Variants in KRT83 observed in about 807,000 individuals in gnomAD.
KRT83 encodes keratin, type II cuticular Hb3.
KRT83 carries 51 observed loss-of-function variants against 52.9 expected under a neutral mutation model. That is an observed-to-expected ratio of 0.96 (90% CI 0.77 to 1.22). The LOEUF (loss-of-function observed/expected upper bound fraction) is 1.22. KRT83 is among the 50% of genes most tolerant of loss of function. The pLI is 0.00. For synonymous variants in KRT83, 278 were observed against 274.1 expected (o/e 1.01, Z -0.14); for missense variants, 654 against 666.5 (o/e 0.98, Z 0.21).
At position 52,314,367 on chromosome 12, in the gene KRT83, A is replaced by G. The variant is rs1447815053; in HGVS notation, c.*264T>C. On this transcript the variant is annotated 3_prime_UTR_variant, in exon 9 of 9. Transcript: ENST00000293670. ...AGAGAGGCAGGGGGAACAGTCTCAC[A>G]GTGCTTCTTCCAGGGAAGCAAGGCC... 1.8e-6 allele frequency: 1 copy of G among 560,806 alleles called. No individual in the cohort carries two copies. The highest frequency in any genetic ancestry group is 3.2e-6 in the Non-Finnish European group (1 of 310,146). The allele number at this position is 560,806 out of a possible 1,614,324, so 34.7% of individuals were successfully genotyped here. A position where few individuals can be genotyped will look rare whatever the true frequency, so the allele number is the denominator to read the frequency against.
intron 1 of KRT83, 69 bp downstream of exon 1, chr12:52,320,883 T>C: frequency 6.2e-7 from 1 of 1,613,274 alleles, no homozygotes; most frequent in Non-Finnish European, 8.5e-7. Flanking sequence ...GACTTCCCTG[T>C]CAGTGCCCAG....
At position 52,316,547 on chromosome 12, in the gene KRT83, C is replaced by G; in HGVS notation, c.962G>C (p.Arg321Pro). ...CTCGTTGATCTCCTCCTTGGTGCGG[C>G]GCAGGGTCTCCCCGTGCCTGATCAC... The part of the protein sequence containing the change: ...ATVIRHGETL[R>P]RTKEEINELN... Residue 321 changes from arginine (R) to proline (P), a missense_variant, in exon 6 of 9, where the codon CGC (arginine) becomes CCC (proline). Arg to Pro is a moderately radical substitution (Grantham distance 103). Transcript: ENST00000293670. 1.2e-6 allele frequency: 2 copies of G among 1,614,152 alleles called. No homozygotes were observed. The highest frequency in any genetic ancestry group is 1.7e-6 in the Non-Finnish European group (2 of 1,180,026).
chr12:52,316,759 C>T lies in KRT83; in HGVS notation c.915+100G>A. The T allele has an allele frequency of 3.1e-6, 5 of 1,600,458 alleles. No homozygotes were observed. In the South Asian group the frequency reaches 5.5e-5, roughly 18 times the overall value. On this transcript the variant is annotated intron_variant, in intron 5 of 8. Coordinates refer to ENST00000293670, the MANE Select transcript of KRT83 (RefSeq NM_002282.3). Reference sequence around the variant, plus strand: ...AGCTATTGGTTTTTCTCTTACCATCCTTAGGGATCAGAATCCCTAGACAAA... The same window carrying T: ...AGCTATTGGTTTTTCTCTTACCATCTTTAGGGATCAGAATCCCTAGACAAA...
Position 52,316,106 on chromosome 12 carries a change from T to C in KRT83, c.1049A>G (p.Lys350Arg). 1 of 1,613,782 alleles carries C rather than the reference T, an allele frequency of 6.2e-7. No homozygotes were observed. The change falls in exon 7 of 9, where the codon AAG becomes AGG. Residue 350 changes from lysine (K) to arginine (R), a missense_variant. Transcript: ENST00000293670. ...EVENAKCQNS[K>R]LEAAVAQSEQ... ...AGACTGGGCCACCGCAGCTTCCAGC[T>C]TGGAGTTCTGGGAGGTAGGGGGAAT... is the stretch of plus-strand genomic sequence containing the variant.
Position 52,316,069 on chromosome 12 carries a change from AC to A in KRT83, c.1085del (p.Gly362ValfsTer29). On this transcript the variant is annotated frameshift_variant, in exon 7 of 9. Coordinates refer to ENST00000293670, the MANE Select transcript of KRT83 (RefSeq NM_002282.3). LOFTEE classifies it high-confidence loss of function. ...AGCGGGCATCACTGAGGGCCGCCTC[AC>A]CCTGCTGCTCAGACTGGGCCACCGC... Reference protein sequence around the residue: ...EAAVAQSEQQGEAALSDARCK... With the variant: ...EAAVAQSEQQXEAALSDARCK... 6.2e-7 allele frequency: 1 copy of A among 1,613,610 alleles called. No homozygotes were observed.
rs1938668840 is a variant in KRT83 at position 52,315,295 on chromosome 12, G to A, written c.1294+17C>T. The stretch of plus-strand genomic sequence containing the variant: ...TCCCCAGTCTACATTTTCCTTTTCA[G>A]GGCTCAAGATACTTACAGACATTCA... On this transcript the variant is annotated intron_variant, in intron 8 of 8. Coordinates refer to ENST00000293670, the MANE Select transcript of KRT83 (RefSeq NM_002282.3). 1.9e-6 allele frequency: 3 copies of A among 1,613,090 alleles called. No individual in the cohort carries two copies. Among genetic ancestry groups the A allele is most frequent in the Admixed American group, 1.7e-5 (1 of 59,996 alleles).
At chr12:52,316,431 C>G (rs746706438) in intron 6 of KRT83, 37 bp downstream of exon 6, 6 of 1,613,850 alleles carry the variant, frequency 3.7e-6, no homozygotes, top group Non-Finnish European at 5.1e-6. Context: ...TAACCCCAGT[C>G]TCTTCCTACA....
Position 52,321,113 on chromosome 12 carries a change from C to T in KRT83, c.223G>A (p.Val75Met), listed in dbSNP as rs537011326. 9 of 1,612,334 alleles carry T rather than the reference C, an allele frequency of 5.6e-6. No homozygotes were observed. The highest frequency in any genetic ancestry group is 1.7e-5 in the Admixed American group (1 of 60,024). ...ATGCATGGGGGGCTGGGTCCGCACA[C>T]GCCCCCGGAGCGGTAGCCGAAGCTG... ...GRSFGYRSGG[V>M]CGPSPPCITT... is the part of the protein sequence containing the mutation. Residue 75 changes from valine to methionine, a missense_variant, in exon 1 of 9, where the codon GTG becomes ATG. Val to Met is a conservative substitution (Grantham distance 21, BLOSUM62 1). Transcript: ENST00000293670.
At position 52,314,732 on chromosome 12, in the gene KRT83, G is replaced by T; in HGVS notation, c.1381C>A (p.Pro461Thr). The T allele has an allele frequency of 1.3e-6, 2 of 1,593,644 alleles. No individual in the cohort carries two copies. The highest frequency in any genetic ancestry group is 2.3e-5 in the East Asian group (1 of 44,148). ...RPVTGSVCSA[P>T]CNGNLVVSTG... is the part of the protein sequence containing the mutation. ...CTCACCACCAGGTTCCCGTTGCAGGGGGCACTGCAGACGCTGCCCGTCACC... is the reference window on the plus strand; with the variant it reads ...CTCACCACCAGGTTCCCGTTGCAGGTGGCACTGCAGACGCTGCCCGTCACC... Residue 461 changes from proline (P) to threonine (T), a missense_variant, in exon 9 of 9, where the codon CCC becomes ACC. Physicochemically the swap from Pro to Thr is conservative, Grantham distance 38. Transcript: ENST00000293670.
intron 4 of KRT83, 77 bp downstream of exon 4, chr12:52,317,604 A>AT (rs1938706777): frequency 2.0e-6 from 3 of 1,499,102 alleles, no homozygotes; most frequent in East Asian, 4.5e-5. Context: ...GGCCTGGTTC[A>AT]TGCCTGTGGG....
rs776629118 is a variant in KRT83 at position 52,321,163 on chromosome 12, C to G, written c.173G>C (p.Gly58Ala). ...GGFGSHSVCGGFRAGSCGRSF... is the reference protein window; with the variant it reads ...GGFGSHSVCGAFRAGSCGRSF... ...GCGTCCGCAGGAGCCGGCGCGGAAG[C>G]CCCCGCACACGCTGTGGCTGCCAAA... The change falls in exon 1 of 9, where the codon GGC (glycine) becomes GCC (alanine). Residue 58 changes from glycine to alanine, a missense_variant. Coordinates refer to ENST00000293670, the MANE Select transcript of KRT83 (RefSeq NM_002282.3). The G allele has an allele frequency of 6.2e-7, 1 of 1,612,420 alleles. No homozygotes were observed. Among genetic ancestry groups the G allele is most frequent in the Non-Finnish European group, 8.5e-7 (1 of 1,179,406 alleles).
At position 52,316,575 on chromosome 12, in the gene KRT83, T is replaced by C; in HGVS notation, c.934A>G (p.Thr312Ala). Residue 312 changes from threonine to alanine, a missense_variant, in exon 6 of 9, where the codon ACA (threonine) becomes GCA (alanine). Coordinates refer to ENST00000293670, the MANE Select transcript of KRT83 (RefSeq NM_002282.3). ...YRSKCEEMKA[T>A]VIRHGETLRR... ...AGGGTCTCCCCGTGCCTGATCACTG[T>C]GGCCTTCATCTCCTCACACTGCAGG... The C allele has an allele frequency of 6.2e-7, 1 of 1,614,186 alleles. No individual in the cohort carries two copies. Among genetic ancestry groups the C allele is most frequent in the Non-Finnish European group, 8.5e-7 (1 of 1,180,038 alleles).
In KRT83 at chr12:52,314,885, G is replaced by C. The variant is rs1938663488; in HGVS notation, c.1295-67C>G. On this transcript the variant is annotated intron_variant, in intron 8 of 8. Coordinates refer to ENST00000293670, the MANE Select transcript of KRT83 (RefSeq NM_002282.3). ...CCATCCCATCCAGCCACCTTCCTTT[G>C]GTCTGTCTGATGTGTCGACCATCCA... 5.5e-6 allele frequency: 8 copies of C among 1,453,206 alleles called. No homozygotes were observed. The Admixed American group carries it at 1.5e-4, about 28-fold the overall frequency. 90.0% of individuals were successfully genotyped at this position (1,453,206 alleles called of 1,614,324 possible). A position where few individuals can be genotyped will look rare whatever the true frequency, so the allele number is the denominator to read the frequency against.
Position 52,317,758 on chromosome 12 carries a change from G to C in KRT83, c.673C>G (p.Leu225Val). ...TTGGCCTCCAGGTCTGACTTGCGGA[G>C]GTAGGCGCAGTCCACATCCTGGGTG... The part of the protein sequence containing the change: ...ALKKDVDCAY[L>V]RKSDLEANVE... The change falls in exon 4 of 9, where the codon CTC (leucine) becomes GTC (valine). Residue 225 changes from leucine to valine, a missense_variant. By Grantham distance (32) the Leu-to-Val change is conservative. Transcript: ENST00000293670. 1 of 1,613,906 alleles carries C rather than the reference G, an allele frequency of 6.2e-7. No homozygotes were observed. The highest frequency in any genetic ancestry group is 8.5e-7 in the Non-Finnish European group (1 of 1,179,978).
At position 52,314,804 on chromosome 12, in the gene KRT83, G is replaced by T; in HGVS notation, c.1309C>A (p.Arg437=). The change falls in exon 9 of 9, where the codon CGG becomes AGG. Residue 437 remains arginine, a synonymous_variant. Coordinates refer to ENST00000293670, the MANE Select transcript of KRT83 (RefSeq NM_002282.3). ...EAVNVCVSSS[R]GGVVCGDLCV... The stretch of plus-strand genomic sequence containing the variant: ...AGATCCCCGCACACAACCCCACCCC[G>T]GGAGCTGCTGACACCTGTGGGAACA... 1 of 1,605,542 alleles carries T rather than the reference G, an allele frequency of 6.2e-7. No individual in the cohort carries two copies.
At position 52,315,948 on chromosome 12, in the gene KRT83, CT is replaced by C. The variant is rs776688924; in HGVS notation, c.1206del (p.Gly403AlafsTer27). On this transcript the variant is annotated frameshift_variant, in exon 7 of 9. Coordinates refer to ENST00000293670, the MANE Select transcript of KRT83 (RefSeq NM_002282.3). LOFTEE classifies it high-confidence loss of function. ...TAGGTGGCGATCTCGATATCCAGGCCTAGCTTGGAGTTCATCACCTCCTGGT... is the reference window on the plus strand; with the variant it reads ...TAGGTGGCGATCTCGATATCCAGGCCAGCTTGGAGTTCATCACCTCCTGGT... ...REYQEVMNSK[L>X]GLDIEIATYR... The C allele has an allele frequency of 1.9e-6, 3 of 1,612,968 alleles. No individual in the cohort carries two copies. Among genetic ancestry groups the C allele is most frequent in the Non-Finnish European group, 2.5e-6 (3 of 1,179,906 alleles).
Position 52,321,303 on chromosome 12 carries a change from C to T in KRT83, c.33G>A (p.Gly11=), listed in dbSNP as rs1938768070. 10 of 1,613,542 alleles carry T rather than the reference C, an allele frequency of 6.2e-6. No homozygotes were observed. The highest frequency in any genetic ancestry group is 8.5e-6 in the Non-Finnish European group (10 of 1,180,044). ...CACAGCTGAAGTTTCCAGGGCGGAACCCACAGCCTATGGAGTTGAAGCCAC... is the reference window on the plus strand; with the variant it reads ...CACAGCTGAAGTTTCCAGGGCGGAATCCACAGCCTATGGAGTTGAAGCCAC... MTCGFNSIGC[G]FRPGNFSCVS... is the part of the protein sequence containing the mutation. The change falls in exon 1 of 9, where the codon GGG becomes GGA. Residue 11 remains glycine, a synonymous_variant. Coordinates refer to ENST00000293670, the MANE Select transcript of KRT83 (RefSeq NM_002282.3).
rs561722742 is a variant in KRT83 at position 52,319,246 on chromosome 12, C to A, written c.503G>T (p.Arg168Leu). The change falls in exon 2 of 9, where the codon CGG becomes CTG. Residue 168 changes from arginine (R) to leucine (L), a missense_variant. Arg to Leu is a moderately radical substitution (Grantham distance 102, BLOSUM62 -2). Coordinates refer to ENST00000293670, the MANE Select transcript of KRT83 (RefSeq NM_002282.3). ...PLFAGYIETL[R>L]REAECVEADS... ...AGCCTCCACGCACTCGGCCTCCCGCCGCAGAGTCTCGATGTAGCCAGCAAA... is the reference window on the plus strand; with the variant it reads ...AGCCTCCACGCACTCGGCCTCCCGCAGCAGAGTCTCGATGTAGCCAGCAAA... The A allele has an allele frequency of 2.5e-6, 4 of 1,613,956 alleles. No homozygotes were observed. The highest frequency in any genetic ancestry group is 3.4e-6 in the Non-Finnish European group (4 of 1,179,934).
At position 52,314,565 on chromosome 12, in the gene KRT83, G is replaced by T; in HGVS notation, c.*66C>A. 2 of 1,419,280 alleles carry T rather than the reference G, an allele frequency of 1.4e-6. No individual in the cohort carries two copies. Among genetic ancestry groups the T allele is most frequent in the Non-Finnish European group, 1.9e-6 (2 of 1,028,338 alleles). The allele number at this position is 1,419,280 out of a possible 1,614,324, so 87.9% of individuals were successfully genotyped here. ...AGCCAGCGATGTGCTGCTGTTTTCA[G>T]CTGGTGGTGGGGCAGTGGCACGTCT... On this transcript the variant is annotated 3_prime_UTR_variant, in exon 9 of 9. Transcript: ENST00000293670.
Sources: allele counts gnomAD v4.1 joint callset, GRCh38; gene constraint gnomAD v4.1.1; transcripts MANE v1.5; gene names NCBI Gene and HGNC (gene_info 2026-07-23, HGNC 2026-07-21).